The following MACROD1 variants were observed in gnomAD, a reference collection of about 807,000 sequenced individuals.
MACROD1 encodes the protein mono-ADP ribosylhydrolase 1, also known as ADP-ribose glycohydrolase MACROD1.
In MACROD1, 31 loss-of-function variants were observed where a neutral mutation model predicts 41.4. The ratio of observed to expected loss-of-function variants is 0.75; its 90% CI spans 0.56 to 1.01. The LOEUF (loss-of-function observed/expected upper bound fraction) is 1.01. Among genes scored for constraint, MACROD1 ranks in the 50% least tolerant of loss-of-function variants. The pLI, the probability that MACROD1 is intolerant of heterozygous loss-of-function variation, is 0.00. For missense variants in MACROD1, 473 were observed against 460.0 expected (o/e 1.03, Z -0.26); for synonymous variants, 252 against 203.4 (o/e 1.24, Z -2.03).
chr11:64,044,440 G>A (rs968539713), intron 3 of MACROD1, among the ~76,000 whole-genome samples: 1 of 151,980 alleles, frequency 6.6e-6, no homozygotes, highest in African/African-American at 2.4e-5. Context: ...GCAGAGACAG[G>A]GTTTCCTTAT....
At chr11:64,131,682 C>T (rs1945268295) in intron 3 of MACROD1, among the ~76,000 whole-genome samples, 1 of 152,256 alleles carries the variant, frequency 6.6e-6, no homozygotes, top group African/African-American at 2.4e-5. Flanking sequence ...GCAGAGACTA[C>T]CCTGTTTCAG....
At chr11:64,063,583 G>A (rs1943943266) in intron 3 of MACROD1, among the ~76,000 whole-genome samples, 1 of 152,152 alleles carries the variant, frequency 6.6e-6, no homozygotes, top group Non-Finnish European at 1.5e-5. Context: ...CCTCTTCCCC[G>A]GCGTCTCTTC....
chr11:64,038,762 T>G (rs1264414282), intron 3 of MACROD1, among the ~76,000 whole-genome samples: 2 of 152,180 alleles, frequency 1.3e-5, no homozygotes, highest in African/African-American at 4.8e-5. Context: ...ATCAACCACC[T>G]AGTCATCCCT....
chr11:64,107,673 G>C (rs1228263003), intron 3 of MACROD1, among the ~76,000 whole-genome samples: 1 of 152,248 alleles, frequency 6.6e-6, no homozygotes, highest in African/African-American at 2.4e-5. Flanking sequence ...AATGATACCA[G>C]TGGATGGGAT....
At position 64,146,436 on chromosome 11, in the gene MACROD1, G is replaced by T. The variant is rs1253378894; in HGVS notation, c.517+4803C>A. The stretch of plus-strand genomic sequence containing the variant: ...AATTTCATTAAGACGGATGCGCCAT[G>T]CTCCTGTGGGCAGGAGCCGTGGCCG... On this transcript the variant is annotated intron_variant, in intron 3 of 10. Coordinates refer to ENST00000255681, the MANE Select transcript of MACROD1 (RefSeq NM_014067.4). The surrounding 1 kb of genome is among the most constrained non-coding windows in gnomAD (Gnocchi z 4.7). Among the ~76,000 whole-genome samples, 1 of 152,178 alleles carries T rather than the reference G, an allele frequency of 6.6e-6. No homozygotes were observed. Among genetic ancestry groups the T allele is most frequent in the Non-Finnish European group, 1.5e-5 (1 of 68,020 alleles).
chr11:64,078,511 G>C (rs936157017), intron 3 of MACROD1, among the ~76,000 whole-genome samples: 3 of 152,236 alleles, frequency 2.0e-5, no homozygotes, highest in South Asian at 2.1e-4. Context: ...TCCCCTTGCA[G>C]CATCGGAGGG....
Position 64,090,943 on chromosome 11 carries a change from T to C in MACROD1, c.517+60296A>G, listed in dbSNP as rs1944478937. Among the ~76,000 whole-genome samples, 2 of 151,552 alleles carry C rather than the reference T, an allele frequency of 1.3e-5. No individual in the cohort carries two copies. The highest frequency in any genetic ancestry group is 1.3e-4 in the Admixed American group (2 of 15,236). ...GTTTGGTCTGCCCTGTAGGGGGCACTGGCAGAATCTGCAGCACTGACCTCT... is the reference window on the plus strand; with the variant it reads ...GTTTGGTCTGCCCTGTAGGGGGCACCGGCAGAATCTGCAGCACTGACCTCT... On this transcript the variant is annotated intron_variant, in intron 3 of 10. Transcript: ENST00000255681. The surrounding 1 kb of genome is among the most constrained non-coding windows in gnomAD (Gnocchi z 4.7).
At chr11:64,063,431 G>A (rs779347814) in intron 3 of MACROD1, among the ~76,000 whole-genome samples, 2 of 152,100 alleles carry the variant, frequency 1.3e-5, no homozygotes, top group Non-Finnish European at 2.9e-5. Flanking sequence ...GGGAGAGGAG[G>A]AGGACTTCCA....
intron 3 of MACROD1, among the ~76,000 whole-genome samples, chr11:64,099,234 G>A (rs754589915): frequency 3.3e-5 from 5 of 152,234 alleles, no homozygotes; most frequent in Non-Finnish European, 7.3e-5. Context: ...CCCACTCCCC[G>A]AAGGCTGGGC....
chr11:64,110,140 GCAGCTTGCTCAAAATAA>G (rs1451970596), intron 3 of MACROD1, among the ~76,000 whole-genome samples: 3 of 152,132 alleles, frequency 2.0e-5, no homozygotes, highest in African/African-American at 7.2e-5. Flanking sequence ...GAGAGGGCAA[GCAGCTTGCTCAAAATAA>G]CACAGCCTGA....
At chr11:64,072,421 T>C (rs937727290) in intron 3 of MACROD1, among the ~76,000 whole-genome samples, 3 of 144,118 alleles carry the variant, frequency 2.1e-5, no homozygotes, top group Non-Finnish European at 4.8e-5. Context: ...ATCCGGCTCA[T>C]TTAAAAAAAA....
rs550713530 is a variant in MACROD1, at chr11:64,136,764, G to A, written c.517+14475C>T. On this transcript the variant is annotated intron_variant, in intron 3 of 10. Coordinates refer to ENST00000255681, the MANE Select transcript of MACROD1 (RefSeq NM_014067.4). ...CTCAGGGATTAGAACACATCGTGAC[G>A]TGGAATTAGCCACGGGCTCAGCCTC... 5.3e-5 allele frequency among the ~76,000 whole-genome samples: 8 copies of A among 152,340 alleles called. No individual in the cohort carries two copies. In the South Asian group the frequency reaches 6.2e-4, roughly 12 times the overall value.
At chr11:64,162,373 C>G (rs986252323) in intron 1 of MACROD1, among the ~76,000 whole-genome samples, 8 of 151,844 alleles carry the variant, frequency 5.3e-5, no homozygotes, top group African/African-American at 1.9e-4. Context: ...CATGGTGATG[C>G]GCGCCTGTAC....
At chr11:64,038,249 T>A (rs1043703310) in intron 3 of MACROD1, among the ~76,000 whole-genome samples, 4 of 152,224 alleles carry the variant, frequency 2.6e-5, no homozygotes, top group Admixed American at 6.5e-5. Flanking sequence ...TCATGCCTGG[T>A]GGCTGAGCCT....
At chr11:64,033,383 C>T (rs985117193) in intron 3 of MACROD1, among the ~76,000 whole-genome samples, 3 of 152,090 alleles carry the variant, frequency 2.0e-5, no homozygotes, top group African/African-American at 7.2e-5. Flanking sequence ...GTTAAAACCA[C>T]AATTATGAAG....
intron 3 of MACROD1, chr11:64,116,891 C>T (rs1349985431): frequency 2.5e-6 from 4 of 1,611,582 alleles, no homozygotes; most frequent in Admixed American, 1.7e-5. Flanking sequence ...TGGATGACAA[C>T]CGCATCTCCA....
chr11:64,080,208 T>G (rs547689060), intron 3 of MACROD1, among the ~76,000 whole-genome samples: 1 of 152,162 alleles, frequency 6.6e-6, no homozygotes, highest in South Asian at 2.1e-4. Context: ...AGACGGGGTA[T>G]CAACATGTTG....
chr11:64,108,204 G>A (rs1001275819), intron 3 of MACROD1, among the ~76,000 whole-genome samples: 5 of 151,882 alleles, frequency 3.3e-5, no homozygotes, highest in East Asian at 3.9e-4. Flanking sequence ...TCACAGCTAC[G>A]CGGGAGGCTG....
chr11:64,165,258 C>A (rs1264872092), intron 1 of MACROD1, among the ~76,000 whole-genome samples: 1 of 152,190 alleles, frequency 6.6e-6, no homozygotes, highest in African/African-American at 2.4e-5. Flanking sequence ...CACTTAAGAA[C>A]CACACTGTGC....
Sources: gnomAD v4.1 joint callset for allele counts (sites outside exome capture counted in the v4.1 genomes callset) on GRCh38, gnomAD v4.1.1 for gene constraint, Gnocchi (gnomAD v3.1) non-coding constraint, MANE v1.5 for transcripts, NCBI Gene and HGNC (gene_info 2026-07-23, HGNC 2026-07-21) for gene names.